Variants in FAM20A observed in about 807,000 individuals in gnomAD.
FAM20A encodes the protein FAM20A golgi associated secretory pathway pseudokinase, also known as pseudokinase FAM20A.
In FAM20A, 42 loss-of-function variants were observed where a neutral mutation model predicts 52.0. The ratio of observed to expected loss-of-function variants is 0.81; its 90% CI spans 0.63 to 1.04. FAM20A has a LOEUF of 1.04. Among genes scored for constraint, FAM20A ranks in the 50% least tolerant of loss-of-function variants. The probability of loss-of-function intolerance (pLI) is 0.00; values close to 1 mark genes in which losing one functional copy is unlikely to be tolerated. For synonymous variants in FAM20A, 304 were observed against 298.9 expected (o/e 1.02, Z -0.18); for missense variants, 742 against 712.7 (o/e 1.04, Z -0.47).
intron 4 of FAM20A, among the ~76,000 whole-genome samples, chr17:68,548,823 C>T (rs557970280): frequency 2.5e-4 from 37 of 149,414 alleles, no homozygotes; most frequent in Admixed American, 9.3e-4. Context: ...AGCTCCGCCT[C>T]CCGGGTTCAC....
intron 1 of FAM20A, among the ~76,000 whole-genome samples, chr17:68,559,509 T>C (rs955337505): frequency 3.3e-5 from 5 of 152,226 alleles, no homozygotes; most frequent in Admixed American, 1.3e-4. Context: ...ACAAATCACA[T>C]GATCTTCAGG....
chr17:68,543,838 AC>A (rs1341910779), intron 4 of FAM20A, 117 bp from the exon 5 acceptor site: 2 of 890,486 alleles, frequency 2.2e-6, no homozygotes, highest in Non-Finnish European at 1.8e-6. Flanking sequence ...TTTCATGTAC[AC>A]ACAGGCGATG....
chr17:68,586,696 C>A (rs1568780198), intron 1 of FAM20A, among the ~76,000 whole-genome samples: 1 of 152,200 alleles, frequency 6.6e-6, no homozygotes, highest in Non-Finnish European at 1.5e-5. Flanking sequence ...GCCCTTCTGG[C>A]ACCTTCATTT....
intron 8 of FAM20A, chr17:68,540,505 GCCCT>G (rs1394041481): frequency 3.1e-5 from 15 of 478,252 alleles, no homozygotes. Flanking sequence ...CTCGCCTGAG[GCCCT>G]CCCTGCTACA....
At chr17:68,599,690 C>T (rs1379526897) in intron 1 of FAM20A, among the ~76,000 whole-genome samples, 2 of 152,176 alleles carry the variant, frequency 1.3e-5, no homozygotes, top group African/African-American at 4.8e-5. Flanking sequence ...TGACCATTTA[C>T]TTCCTGCCTC....
In FAM20A at chr17:68,537,677, C is replaced by T; in HGVS notation, c.1426G>A (p.Val476Met). ...LAQADYRLSDVMRESLLEDQL... is the reference protein window; with the variant it reads ...LAQADYRLSDMMRESLLEDQL... ...TCTTCCAGCAGTGATTCTCGCATCA[C>T]ATCGCTGAGTCTGTAGTCAGCTTGG... Residue 476 changes from valine (V) to methionine (M), a missense_variant, in exon 11 of 11, where the codon GTG becomes ATG. Val to Met is a conservative substitution (Grantham distance 21). Transcript: ENST00000592554. This position sits in a 1 kb window ranked among gnomAD's most constrained non-coding sequence, Gnocchi z 4.2. The T allele has an allele frequency of 2.5e-6, 4 of 1,613,770 alleles. No individual in the cohort carries two copies. The highest frequency in any genetic ancestry group is 3.4e-6 in the Non-Finnish European group (4 of 1,179,878).
At chr17:68,577,197 A>G (rs981494349) in intron 1 of FAM20A, among the ~76,000 whole-genome samples, 12 of 152,264 alleles carry the variant, frequency 7.9e-5, no homozygotes, top group Non-Finnish European at 4.4e-5. Context: ...AAGTCCTGCC[A>G]TGACGGCTCC....
chr17:68,553,993 TAC>T (rs1040176055), intron 3 of FAM20A, among the ~76,000 whole-genome samples: 18 of 142,306 alleles, frequency 1.3e-4, no homozygotes, highest in African/African-American at 1.1e-4. Flanking sequence ...TATATACATA[TAC>T]ACACATATAT....
chr17:68,596,085 G>C (rs1296260476), intron 1 of FAM20A, among the ~76,000 whole-genome samples: 1 of 152,100 alleles, frequency 6.6e-6, no homozygotes, highest in Non-Finnish European at 1.5e-5. Context: ...TTTTTGAAAA[G>C]CTGCCCAGTC....
intron 10 of FAM20A, among the ~76,000 whole-genome samples, chr17:68,538,738 T>C (rs2143450461): frequency 6.6e-6 from 1 of 152,350 alleles, no homozygotes; most frequent in South Asian, 2.1e-4. Context: ...CCCAGCAGAC[T>C]GCAAAAATAG....
chr17:68,579,607 T>G (rs1379469919), intron 1 of FAM20A, among the ~76,000 whole-genome samples: 5 of 152,162 alleles, frequency 3.3e-5, no homozygotes, highest in Non-Finnish European at 7.4e-5. Flanking sequence ...AGCAACAGCT[T>G]AATCCTGAAA....
At chr17:68,577,298 A>G (rs1320720576) in intron 1 of FAM20A, among the ~76,000 whole-genome samples, 1 of 152,234 alleles carries the variant, frequency 6.6e-6, no homozygotes, top group Non-Finnish European at 1.5e-5. Flanking sequence ...TTTGGGAAAC[A>G]TGAAATATTA....
intron 1 of FAM20A, among the ~76,000 whole-genome samples, chr17:68,587,010 C>A (rs1312355946): frequency 6.6e-6 from 1 of 152,152 alleles, no homozygotes; most frequent in Non-Finnish European, 1.5e-5. Flanking sequence ...CCTGCCTCAG[C>A]CTCCCGAGTA....
chr17:68,553,943 T>TACACACATATATGCATATATACATATAC (rs1568741248), intron 3 of FAM20A, among the ~76,000 whole-genome samples: 9 of 135,956 alleles, frequency 6.6e-5, no homozygotes, highest in Non-Finnish European at 1.0e-4. Context: ...TATACATATA[T>TACACACATATATGCATATATACATATAC]ACACACATAT....
Position 68,578,838 on chromosome 17 carries a change from CAAAAAAAA to C in FAM20A, c.404+21417_404+21424del, listed in dbSNP as rs5821664. 5.0e-4 allele frequency among the ~76,000 whole-genome samples: 18 copies of C among 36,072 alleles called. No individual in the cohort carries two copies. In the South Asian group the frequency reaches 7.7e-3, roughly 15 times the overall value. The allele number at this position is 36,072 out of a possible 152,430, so 23.7% of individuals were successfully genotyped here. Reference sequence around the variant, plus strand: ...GAAACCCTGTCTCTACTAAAAATACCAAAAAAAAAAAAAAAAAAAAAAAAAAAATTACT... The same window carrying C: ...GAAACCCTGTCTCTACTAAAAATACCAAAAAAAAAAAAAAAAAAAATTACT... On this transcript the variant is annotated intron_variant, in intron 1 of 10. Coordinates refer to ENST00000592554, the MANE Select transcript of FAM20A (RefSeq NM_017565.4).
intron 1 of FAM20A, among the ~76,000 whole-genome samples, chr17:68,599,380 TAGCA>T (rs1365493621): frequency 6.6e-6 from 1 of 152,252 alleles, no homozygotes; most frequent in Non-Finnish European, 1.5e-5. Flanking sequence ...TTCCTGCCAC[TAGCA>T]AGGGATCTCA....
chr17:68,541,850 G>A lies in FAM20A; in HGVS notation c.1109+135C>T, dbSNP rs1005072703. ...AACAGACCCAGGCCTGCTGATCCCA[G>A]GATCAATATGAAATGGGGCAAAGGA... On this transcript the variant is annotated intron_variant, in intron 7 of 10. Transcript: ENST00000592554. 6.5e-6 allele frequency: 7 copies of A among 1,084,842 alleles called. No individual in the cohort carries two copies. In the African/African-American group the frequency reaches 1.1e-4, roughly 17 times the overall value. 67.2% of individuals were successfully genotyped at this position (1,084,842 alleles called of 1,614,324 possible). A position where few individuals can be genotyped will look rare whatever the true frequency, so the allele number is the denominator to read the frequency against.
At chr17:68,540,824 T>C (rs1457875622) in intron 8 of FAM20A, 25 bp downstream of exon 8, 8 of 1,575,930 alleles carry the variant, frequency 5.1e-6, no homozygotes, top group East Asian at 2.3e-5. Context: ...CCACTTCTGC[T>C]GGGGGCCTGC....
chr17:68,561,972 T>G (rs1010961666), intron 1 of FAM20A, among the ~76,000 whole-genome samples: 1 of 152,142 alleles, frequency 6.6e-6, no homozygotes, highest in East Asian at 1.9e-4. Flanking sequence ...TACAGGCGCA[T>G]GCCACCACAC....
Sources: gnomAD v4.1 joint callset for allele counts (sites outside exome capture counted in the v4.1 genomes callset) on GRCh38, gnomAD v4.1.1 for gene constraint, Gnocchi (gnomAD v3.1) non-coding constraint, MANE v1.5 for transcripts, NCBI Gene and HGNC (gene_info 2026-07-23, HGNC 2026-07-21) for gene names.